Variants in POLD1 observed in about 807,000 individuals in gnomAD.
The protein encoded by POLD1 is DNA polymerase delta 1, catalytic subunit, also known as DNA polymerase delta catalytic subunit.
In POLD1, 79 loss-of-function variants were observed where a neutral mutation model predicts 129.7. That is an observed-to-expected ratio of 0.61 (90% CI 0.51 to 0.73). POLD1 has a LOEUF of 0.73. Among genes scored for constraint, POLD1 ranks in the 30% least tolerant of loss-of-function variants. The pLI is 0.00. For synonymous variants in POLD1, 714 were observed against 683.3 expected, an observed-to-expected ratio of 1.04 and a Z score of -0.70; for missense variants, 1,338 against 1,595.8, an observed-to-expected ratio of 0.84 and a Z score of 2.75.
chr19:50,407,849 G>C (rs1300337135), intron 14 of POLD1, among the ~76,000 whole-genome samples: 1 of 148,886 alleles, frequency 6.7e-6, no homozygotes, highest in Non-Finnish European at 1.5e-5. Flanking sequence ...TGGGATTATA[G>C]GCGTGAGCCA....
intron 17 of POLD1, 29 bp from the exon 18 acceptor site, chr19:50,413,397 T>A (rs2039155631): frequency 1.3e-6 from 2 of 1,598,022 alleles, no homozygotes; most frequent in Admixed American, 1.7e-5. Flanking sequence ...CCCCCAGGGC[T>A]TCACTCCGCA....
chr19:50,408,633 T>C, intron 14 of POLD1, 152 bp from the exon 15 acceptor site: 1 of 1,189,424 alleles, frequency 8.4e-7, no homozygotes, highest in African/African-American at 1.5e-5. Flanking sequence ...TCCTCCTGCC[T>C]CAGCCTCCCA....
chr19:50,409,450 C>T lies in POLD1; in HGVS notation c.2007-69C>T, dbSNP rs1406563441. On this transcript the variant is annotated intron_variant, in intron 16 of 26. Transcript: ENST00000440232. The surrounding 1 kb of genome is among the most constrained non-coding windows in gnomAD (Gnocchi z 5.8). ...TACGCCCAACCGTACATGGCACTCA[C>T]TTCCAGAAAGGAGCCCTGACCAATG... 6.2e-7 allele frequency: 1 copy of T among 1,602,956 alleles called. No homozygotes were observed. Among genetic ancestry groups the T allele is most frequent in the East Asian group, 2.2e-5 (1 of 44,834 alleles).
chr19:50,414,291 C>T (rs1336270448), intron 19 of POLD1, among the ~76,000 whole-genome samples: 7 of 152,246 alleles, frequency 4.6e-5, no homozygotes, highest in African/African-American at 9.6e-5. Context: ...CTCGCTCTGT[C>T]GCCCAGGCTG....
At chr19:50,394,971 G>C (rs1305452111) in intron 1 of POLD1, 1 of 151,714 alleles carries the variant, frequency 6.6e-6, no homozygotes, top group Admixed American at 6.6e-5. Flanking sequence ...AAGTAGCTGG[G>C]GTTCCAGGTG....
intron 1 of POLD1, among the ~76,000 whole-genome samples, chr19:50,389,876 A>G (rs558615317): frequency 6.8e-6 from 1 of 147,102 alleles, no homozygotes; most frequent in Admixed American, 6.8e-5. Context: ...GTGAGCCACC[A>G]TGTCCAGCCT....
intron 10 of POLD1, among the ~76,000 whole-genome samples, chr19:50,405,766 G>C (rs2038852405): frequency 6.6e-6 from 1 of 152,080 alleles, no homozygotes; most frequent in South Asian, 2.1e-4. Flanking sequence ...CCAGCACCCT[G>C]CAAGGCCTCC....
Position 50,402,613 on chromosome 19 carries a change from C to T in POLD1, c.842C>T (p.Ala281Val), listed in dbSNP as rs2038695860. ...GKYALRLKEK[A>V]TQCQLEADVL... Reference sequence around the variant, plus strand: ...CCGCTGACCCACCCATGCCCACAGGCTACGCAGTGCCAGCTGGAGGCGGAC... The same window carrying T: ...CCGCTGACCCACCCATGCCCACAGGTTACGCAGTGCCAGCTGGAGGCGGAC... The change falls in exon 8 of 27, where the codon GCT (alanine) becomes GTT (valine). Residue 281 changes from alanine to valine, a missense_variant and splice_region_variant. Coordinates refer to ENST00000440232, the MANE Select transcript of POLD1 (RefSeq NM_002691.4). The T allele has an allele frequency of 6.4e-7, 1 of 1,571,310 alleles. No individual in the cohort carries two copies. The highest frequency in any genetic ancestry group is 8.6e-7 in the Non-Finnish European group (1 of 1,157,804).
At chr19:50,416,304 C>G (rs1456875276) in intron 22 of POLD1, 92 bp from the exon 23 acceptor site, 2 of 1,382,092 alleles carry the variant, frequency 1.4e-6, no homozygotes, top group South Asian at 1.3e-5. Flanking sequence ...GCAGGCAGGC[C>G]TAGGCCCTAA....
Position 50,402,345 on chromosome 19 carries a change from TACGAGGC to T in POLD1, c.731_737del (p.Tyr244SerfsTer30). 1 of 1,611,166 alleles carries T rather than the reference TACGAGGC, an allele frequency of 6.2e-7. No homozygotes were observed. Among genetic ancestry groups the T allele is most frequent in the South Asian group, 1.1e-5 (1 of 90,916 alleles). ...CCTGGGCACGCCCAGCTTCGCGCCC[TACGAGGC>T]CAACGTCGACTTTGAGATCCGGTAC... On this transcript the variant is annotated frameshift_variant, in exon 6 of 27. Transcript: ENST00000440232. LOFTEE classifies it high-confidence loss of function.
Position 50,415,479 on chromosome 19 carries a change from C to A in POLD1, c.2606C>A (p.Ser869Ter), listed in dbSNP as rs1422842883. ...GTGGCTCACGCACAGGACGTCATCTCGGACCTGCTGTGCAACCGCATCGAT... is the reference window on the plus strand; with the variant it reads ...GTGGCTCACGCACAGGACGTCATCTAGGACCTGCTGTGCAACCGCATCGAT... ...GAVAHAQDVISDLLCNRIDIS... is the reference protein window; with the variant it reads ...GAVAHAQDVI The change falls in exon 21 of 27, where the codon TCG (serine) becomes TAG (stop). Residue 869 changes from serine to a stop codon, truncating the protein, a stop_gained. Transcript: ENST00000440232. LOFTEE classifies it high-confidence loss of function. 6.2e-7 allele frequency: 1 copy of A among 1,613,124 alleles called. No individual in the cohort carries two copies. The highest frequency in any genetic ancestry group is 8.5e-7 in the Non-Finnish European group (1 of 1,179,852).
rs1060501836 is a variant in POLD1 at position 50,408,882 on chromosome 19, G to A, written c.1873G>A (p.Gly625Arg). Residue 625 changes from glycine to arginine, a missense_variant, in exon 15 of 27, where the codon GGG becomes AGG. By Grantham distance (125) the Gly-to-Arg change is moderately radical. This residue lies in a region of POLD1 where 720 missense variants were observed against 1,002.6 expected (regional missense o/e 0.72). Transcript: ENST00000440232. ...GTGTTACACCACGCTCCTTCGGCCC[G>A]GGACTGCACAGAAACTGGGGTATAG... ...NLCYTTLLRP[G>R]TAQKLGLTED... The A allele has an allele frequency of 3.1e-6, 5 of 1,611,952 alleles. No individual in the cohort carries two copies. The highest frequency in any genetic ancestry group is 2.2e-5 in the South Asian group (2 of 90,798).
intron 3 of POLD1, among the ~76,000 whole-genome samples, chr19:50,399,938 C>T (rs920145261): frequency 6.6e-6 from 1 of 151,436 alleles, no homozygotes; most frequent in Non-Finnish European, 1.5e-5. Flanking sequence ...CCTCAGCCTC[C>T]CAAGTAGCTG....
intron 1 of POLD1, among the ~76,000 whole-genome samples, chr19:50,385,002 AAC>A (rs1018647519): frequency 6.6e-6 from 1 of 152,136 alleles, no homozygotes; most frequent in Non-Finnish European, 1.5e-5. Flanking sequence ...GGACGAGAGA[AAC>A]ACAGATGAGG....
intron 1 of POLD1, among the ~76,000 whole-genome samples, chr19:50,394,858 A>G (rs1359028782): frequency 6.6e-6 from 1 of 151,784 alleles, no homozygotes; most frequent in Admixed American, 6.6e-5. Flanking sequence ...TTTTTGAGAC[A>G]GAATTTCACC....
chr19:50,388,664 C>A (rs1228747121), intron 1 of POLD1, among the ~76,000 whole-genome samples: 1 of 152,058 alleles, frequency 6.6e-6, no homozygotes, highest in African/African-American at 2.4e-5. Context: ...CAGCCATGGC[C>A]CTTTGCCTAG....
At chr19:50,404,689 C>T (rs1253397195) in intron 10 of POLD1, among the ~76,000 whole-genome samples, 2 of 151,070 alleles carry the variant, frequency 1.3e-5, no homozygotes, top group South Asian at 2.1e-4. Context: ...AGCGATTCTC[C>T]TGCCTCAGCC....
At chr19:50,391,638 A>G (rs2038174478) in intron 1 of POLD1, among the ~76,000 whole-genome samples, 1 of 137,004 alleles carries the variant, frequency 7.3e-6, no homozygotes, top group African/African-American at 2.6e-5. Flanking sequence ...GTGAGCCGAG[A>G]TGGCGGCAGC....
At chr19:50,408,166 C>A (rs1387464816) in intron 14 of POLD1, among the ~76,000 whole-genome samples, 3 of 151,572 alleles carry the variant, frequency 2.0e-5, no homozygotes, top group African/African-American at 7.3e-5. Flanking sequence ...GAAACCCCGT[C>A]TCTACTAAAA....
Sources: gnomAD v4.1 joint callset for allele counts (sites outside exome capture counted in the v4.1 genomes callset) on GRCh38, gnomAD v4.1.1 for gene constraint, gnomAD v4.1.1 regional missense constraint, Gnocchi (gnomAD v3.1) non-coding constraint, MANE v1.5 for transcripts, NCBI Gene and HGNC (gene_info 2026-07-23, HGNC 2026-07-21) for gene names.